Variants in PIK3CD observed in about 807,000 individuals in gnomAD.
PIK3CD encodes phosphatidylinositol 4,5-bisphosphate 3-kinase catalytic subunit delta isoform.
A neutral mutation model predicts 122.9 loss-of-function variants in PIK3CD; 20 were observed. The ratio of observed to expected loss-of-function variants is 0.16; its 90% CI spans 0.11 to 0.24. The LOEUF is 0.24. PIK3CD is among the 10% of genes least tolerant of loss of function. PIK3CD has a pLI of 1.00. For missense variants in PIK3CD, 787 were observed against 1,406.3 expected, an observed-to-expected ratio of 0.56 and a Z score of 7.04; for synonymous variants, 596 against 593.4, an observed-to-expected ratio of 1.00 and a Z score of -0.06.
rs1646095402 is a variant in PIK3CD, at chr1:9,689,290, C to A, written c.-137-2177C>A. Among the ~76,000 whole-genome samples the A allele has an allele frequency of 2.0e-5, 3 of 152,224 alleles. No homozygotes were observed. On this transcript the variant is annotated intron_variant, in intron 1 of 23. Transcript: ENST00000377346. This position sits in a 1 kb window ranked among gnomAD's most constrained non-coding sequence, Gnocchi z 6.1. ...CTGCTCTGGGGCTCAGGGTGCGAAC[C>A]CCAAGGGCCCCGCCTGGCAGCGTCC...
chr1:9,684,590 C>A lies in PIK3CD; in HGVS notation c.-137-6877C>A, dbSNP rs1266655325. ...AGCAATGCAGTTGGGTGTGATGGCT[C>A]ACATCTGTAATCCCAACACTTTGTG... On this transcript the variant is annotated intron_variant, in intron 1 of 23. Coordinates refer to ENST00000377346, the MANE Select transcript of PIK3CD (RefSeq NM_005026.5). 4.0e-5 allele frequency among the ~76,000 whole-genome samples: 6 copies of A among 149,588 alleles called. No homozygotes were observed. In the South Asian group the frequency reaches 1.3e-3, roughly 32 times the overall value.
the PIK3CD span, among the ~76,000 whole-genome samples, chr1:9,642,305 G>A: frequency 4.3e-3 from 646 of 151,770 alleles, 2 homozygotes; most frequent in Non-Finnish European, 5.5e-3. Flanking sequence ...TGGAGACAGG[G>A]TTTCACCATG....
Position 9,652,423 on chromosome 1 carries a change from G to T in PIK3CD, c.-138+621G>T, listed in dbSNP as rs1435658698. ...TGGAAGTTTTCGGGGCTTCCTCCCGGCTCGTGGACCCGCGCCCCGCCTCCC... is the reference window on the plus strand; with the variant it reads ...TGGAAGTTTTCGGGGCTTCCTCCCGTCTCGTGGACCCGCGCCCCGCCTCCC... On this transcript the variant is annotated intron_variant, in intron 1 of 23. Transcript: ENST00000377346. The surrounding 1 kb of genome is among the most constrained non-coding windows in gnomAD (Gnocchi z 6.2). Among the ~76,000 whole-genome samples the T allele has an allele frequency of 6.6e-6, 1 of 152,190 alleles. No homozygotes were observed. The highest frequency in any genetic ancestry group is 2.4e-5 in the African/African-American group (1 of 41,468).
Position 9,712,150 on chromosome 1 carries a change from T to C in PIK3CD, c.141+1554T>C, listed in dbSNP as rs115701951. On this transcript the variant is annotated intron_variant, in intron 3 of 23. Coordinates refer to ENST00000377346, the MANE Select transcript of PIK3CD (RefSeq NM_005026.5). ...CTACTGAGTCAAAGGATTAAATATG[T>C]AGACAATATTTGGTGGATATTGTCT... Among the ~76,000 whole-genome samples, 837 of 152,328 alleles carry C rather than the reference T, an allele frequency of 5.5e-3. 12 individuals carry two copies. Among genetic ancestry groups the C allele is most frequent in the African/African-American group, 0.019 (809 of 41,572 alleles).
At chr1:9,714,045 T>C (rs2100821704) in intron 3 of PIK3CD, among the ~76,000 whole-genome samples, 1 of 151,648 alleles carries the variant, frequency 6.6e-6, no homozygotes, top group South Asian at 2.1e-4. Context: ...AGAGATGGAG[T>C]CTTATTATGT....
chr1:9,695,712 T>TGC (rs1646384111), intron 2 of PIK3CD, among the ~76,000 whole-genome samples: 2 of 151,656 alleles, frequency 1.3e-5, no homozygotes, highest in African/African-American at 4.8e-5. Flanking sequence ...CGTGGTGGCA[T>TGC]GTGCCTGTAA....
At chr1:9,701,878 G>A (rs1646645105) in intron 2 of PIK3CD, among the ~76,000 whole-genome samples, 1 of 152,102 alleles carries the variant, frequency 6.6e-6, no homozygotes, top group South Asian at 2.1e-4. Context: ...CTGCCTTGGG[G>A]TGAGAGTAGG....
At chr1:9,629,791 C>G in the PIK3CD span, among the ~76,000 whole-genome samples, 1 of 152,206 alleles carries the variant, frequency 6.6e-6, no homozygotes, top group Non-Finnish European at 1.5e-5. Flanking sequence ...GCAGTCGGGC[C>G]GGGACCGCCC....
Position 9,722,216 on chromosome 1 carries a change from G to A in PIK3CD, c.2235-28G>A. On this transcript the variant is annotated intron_variant, in intron 17 of 23. Coordinates refer to ENST00000377346, the MANE Select transcript of PIK3CD (RefSeq NM_005026.5). The surrounding 1 kb of genome is among the most constrained non-coding windows in gnomAD (Gnocchi z 7.6). ...CTGGGAGGCCGGTAGAGGAGCCCCT[G>A]CTGACTGCCCGCTCTCTGGCCTGGC... 6.2e-7 allele frequency: 1 copy of A among 1,611,240 alleles called. No homozygotes were observed. The highest frequency in any genetic ancestry group is 8.5e-7 in the Non-Finnish European group (1 of 1,178,908).
At chr1:9,693,167 AT>A (rs1646271598) in intron 2 of PIK3CD, among the ~76,000 whole-genome samples, 1 of 152,074 alleles carries the variant, frequency 6.6e-6, no homozygotes, top group South Asian at 2.1e-4. Flanking sequence ...TCGTTGGAGT[AT>A]CCTCCCCCAA....
intron 1 of PIK3CD, among the ~76,000 whole-genome samples, chr1:9,672,201 A>G: frequency 6.6e-6 from 1 of 152,144 alleles, no homozygotes; most frequent in East Asian, 1.9e-4. Flanking sequence ...TTTAAAGCTA[A>G]TGTTAATTTT....
In PIK3CD at chr1:9,720,210, C is replaced by T. The variant is rs1158507595; in HGVS notation, c.1438C>T (p.Pro480Ser). ...GCTCATCTGCCTGCCCGAGGTGGCC[C>T]CGCACCCCGTGTACTACCCCGCCCT... ...ALLICLPEVAPHPVYYPALEK... is the reference protein window; with the variant it reads ...ALLICLPEVASHPVYYPALEK... The change falls in exon 11 of 24, where the codon CCG (proline) becomes TCG (serine). Residue 480 changes from proline (P) to serine (S), a missense_variant. Transcript: ENST00000377346. This position sits in a 1 kb window ranked among gnomAD's most constrained non-coding sequence, Gnocchi z 9.0. 2.5e-6 allele frequency: 4 copies of T among 1,610,766 alleles called. No individual in the cohort carries two copies. The highest frequency in any genetic ancestry group is 1.7e-4 in the Middle Eastern group (1 of 6,056).
Position 9,716,015 on chromosome 1 carries a change from G to C in PIK3CD, c.537G>C (p.Gly179=), listed in dbSNP as rs1274566720. ...LQLEPSAQTW[G]PGTLRLPNRA... ...TGGAGCCCTCGGCTCAAACCTGGGG[G>C]CCTGGTACCCTGCGGCTCCCGAACC... is the stretch of plus-strand genomic sequence containing the variant. Residue 179 remains glycine (G), a synonymous_variant, in exon 5 of 24, where the codon GGG becomes GGC. Coordinates refer to ENST00000377346, the MANE Select transcript of PIK3CD (RefSeq NM_005026.5). 1 of 1,612,706 alleles carries C rather than the reference G, an allele frequency of 6.2e-7. No individual in the cohort carries two copies. Among genetic ancestry groups the C allele is most frequent in the Admixed American group, 1.7e-5 (1 of 60,012 alleles).
chr1:9,716,100 G>A (rs369638472), intron 5 of PIK3CD, 22 bp downstream of exon 5: 10 of 1,578,176 alleles, frequency 6.3e-6, no homozygotes, highest in African/African-American at 1.3e-5. Flanking sequence ...CGTGGCCTGC[G>A]GCATCCAGGC....
rs1648336560 is a variant in PIK3CD, at chr1:9,720,369, C to A, written c.1470+127C>A. 3 of 1,395,036 alleles carry A rather than the reference C, an allele frequency of 2.2e-6. No individual in the cohort carries two copies. The Admixed American group carries it at 7.6e-5, about 35-fold the overall frequency. The allele number at this position is 1,395,036 out of a possible 1,614,324, so 86.4% of individuals were successfully genotyped here. On this transcript the variant is annotated intron_variant, in intron 11 of 23. Transcript: ENST00000377346. The surrounding 1 kb of genome is among the most constrained non-coding windows in gnomAD (Gnocchi z 9.0). Reference sequence around the variant, plus strand: ...CTGGGCTACCAGGCATATCTGGGGCCTTCCCAGGGGCCATTTTGCCTGCAG... The same window carrying A: ...CTGGGCTACCAGGCATATCTGGGGCATTCCCAGGGGCCATTTTGCCTGCAG...
chr1:9,668,261 T>C (rs1645223063), intron 1 of PIK3CD, among the ~76,000 whole-genome samples: 1 of 152,050 alleles, frequency 6.6e-6, no homozygotes, highest in Non-Finnish European at 1.5e-5. Flanking sequence ...GCTCTTCCAC[T>C]TCCCAGCTGT....
chr1:9,685,390 G>A lies in PIK3CD; in HGVS notation c.-137-6077G>A, dbSNP rs188651301. Reference sequence around the variant, plus strand: ...TTTTTATTTTTTGAGATGGAGTCTCGCTCTGTTGCCCAGGCTGGAGTGCAG... The same window carrying A: ...TTTTTATTTTTTGAGATGGAGTCTCACTCTGTTGCCCAGGCTGGAGTGCAG... On this transcript the variant is annotated intron_variant, in intron 1 of 23. Transcript: ENST00000377346. 8.4e-4 allele frequency among the ~76,000 whole-genome samples: 128 copies of A among 151,902 alleles called. 1 individual carries two copies. The Middle Eastern group carries it at 0.02, about 24-fold the overall frequency.
intron 2 of PIK3CD, among the ~76,000 whole-genome samples, chr1:9,702,702 G>C (rs1646693421): frequency 6.6e-6 from 1 of 150,890 alleles, no homozygotes; most frequent in South Asian, 2.1e-4. Context: ...TGTATTTTTA[G>C]TAGAGACGGG....
At position 9,722,375 on chromosome 1, in the gene PIK3CD, C is replaced by T. The variant is rs1271060412; in HGVS notation, c.2347+19C>T. On this transcript the variant is annotated intron_variant, in intron 18 of 23. Coordinates refer to ENST00000377346, the MANE Select transcript of PIK3CD (RefSeq NM_005026.5). This position sits in a 1 kb window ranked among gnomAD's most constrained non-coding sequence, Gnocchi z 7.6. ...GGGGATGGTGAGGGCCTGGCCTCCC[C>T]ACACCCCGCCTGTACTGCCCTGGGG... 6.3e-7 allele frequency: 1 copy of T among 1,595,476 alleles called. No individual in the cohort carries two copies. The highest frequency in any genetic ancestry group is 1.1e-5 in the South Asian group (1 of 90,046).
Sources: allele counts gnomAD v4.1 joint callset (sites outside exome capture counted in the v4.1 genomes callset), GRCh38; gene constraint gnomAD v4.1.1; non-coding constraint Gnocchi (gnomAD v3.1); transcripts MANE v1.5; gene names NCBI Gene and HGNC (gene_info 2026-07-23, HGNC 2026-07-21).